PDE1A: variants seen among roughly 807,000 people sequenced by gnomAD.
The protein encoded by PDE1A is dual specificity calcium/calmodulin-dependent 3',5'-cyclic nucleotide phosphodiesterase 1A.
Under a neutral mutation model 61.7 loss-of-function variants are expected in PDE1A, and 35 were observed. The observed-to-expected ratio is 0.57, with a 90% CI of 0.43 to 0.75. PDE1A has a LOEUF of 0.75. PDE1A is among the 30% of genes least tolerant of loss of function. The pLI, the probability that PDE1A is intolerant of heterozygous loss-of-function variation, is 0.00. For synonymous variants in PDE1A, 232 were observed against 213.2 expected, an observed-to-expected ratio of 1.09 and a Z score of -0.77; for missense variants, 597 against 630.6, an observed-to-expected ratio of 0.95 and a Z score of 0.57.
the PDE1A span, among the ~76,000 whole-genome samples, chr2:182,536,859 C>T: frequency 5.9e-5 from 9 of 152,136 alleles, no homozygotes; most frequent in Non-Finnish European, 1.2e-4. Flanking sequence ...TGAGCCACCA[C>T]GGAAGAATTC....
At chr2:182,646,417 C>T in the PDE1A span, among the ~76,000 whole-genome samples, 11 of 146,576 alleles carry the variant, frequency 7.5e-5, no homozygotes, top group African/African-American at 2.0e-4. Flanking sequence ...AAGCCATACG[C>T]GGTGGCTCAC....
chr2:182,327,655 G>A (rs1697134208), intron 1 of PDE1A, among the ~76,000 whole-genome samples: 1 of 152,126 alleles, frequency 6.6e-6, no homozygotes, highest in South Asian at 2.1e-4. Flanking sequence ...TATGACCACT[G>A]GGTTTAACAA....
the PDE1A span, among the ~76,000 whole-genome samples, chr2:182,696,592 A>G: frequency 6.6e-6 from 1 of 152,166 alleles, no homozygotes; most frequent in Non-Finnish European, 1.5e-5. Context: ...AGAATGTACA[A>G]CACCAACAGT....
intron 2 of PDE1A, among the ~76,000 whole-genome samples, chr2:182,477,482 G>C (rs140421198): frequency 2.0e-5 from 3 of 151,846 alleles, no homozygotes; most frequent in Admixed American, 6.6e-5. Flanking sequence ...CTTGAGTCAC[G>C]TAGTGAATGG....
intron 1 of PDE1A, among the ~76,000 whole-genome samples, chr2:182,390,604 T>G (rs1181240324): frequency 6.6e-6 from 1 of 152,160 alleles, no homozygotes; most frequent in Admixed American, 6.5e-5. Flanking sequence ...GAGTCTTACC[T>G]CCTACAGACA....
At chr2:182,381,438 G>T (rs1464033023) in intron 1 of PDE1A, among the ~76,000 whole-genome samples, 1 of 152,152 alleles carries the variant, frequency 6.6e-6, no homozygotes, top group Non-Finnish European at 1.5e-5. Flanking sequence ...ACAGGATGGT[G>T]GCGAATTGCC....
At chr2:182,175,390 A>G (rs1404475736) in intron 13 of PDE1A, among the ~76,000 whole-genome samples, 1 of 151,610 alleles carries the variant, frequency 6.6e-6, no homozygotes, top group Non-Finnish European at 1.5e-5. Context: ...CTGGTGTGAG[A>G]TGGTATCTCA....
chr2:182,475,145 A>G (rs1484431989), intron 2 of PDE1A, among the ~76,000 whole-genome samples: 1 of 151,926 alleles, frequency 6.6e-6, no homozygotes, highest in African/African-American at 2.4e-5. Context: ...GGAGCCAAGT[A>G]AGAAGTTAGA....
At chr2:182,464,756 G>T (rs1417074923) in intron 2 of PDE1A, among the ~76,000 whole-genome samples, 1 of 152,064 alleles carries the variant, frequency 6.6e-6, no homozygotes, top group Non-Finnish European at 1.5e-5. Context: ...AATCACTGAA[G>T]GGAAACATCA....
intron 7 of PDE1A, among the ~76,000 whole-genome samples, chr2:182,212,603 G>A (rs1687727479): frequency 6.6e-6 from 1 of 152,260 alleles, no homozygotes; most frequent in African/African-American, 2.4e-5. Flanking sequence ...GCCTCACTTG[G>A]GAAGCGCAAG....
chr2:182,460,124 A>G (rs566470053), intron 2 of PDE1A, among the ~76,000 whole-genome samples: 2 of 152,166 alleles, frequency 1.3e-5, no homozygotes, highest in East Asian at 3.9e-4. Flanking sequence ...CCAACCTACC[A>G]CAAGAGTGAC....
At chr2:182,213,117 C>G (rs539471017) in intron 7 of PDE1A, among the ~76,000 whole-genome samples, 1 of 150,698 alleles carries the variant, frequency 6.6e-6, no homozygotes. Context: ...CCCCTGACCC[C>G]CGAGCAGCCT....
the PDE1A span, among the ~76,000 whole-genome samples, chr2:182,658,047 T>TAAAAAA: frequency 4.8e-4 from 32 of 66,614 alleles, 1 homozygote; most frequent in African/African-American, 1.7e-3. Flanking sequence ...AGCTTCTCAG[T>TAAAAAA]AAAAAAAAAA....
the PDE1A span, among the ~76,000 whole-genome samples, chr2:182,541,557 G>C: frequency 1.8e-4 from 27 of 152,108 alleles, no homozygotes; most frequent in Non-Finnish European, 5.9e-5. Flanking sequence ...TTGGTGGAAG[G>C]AAACATTCAA....
At chr2:182,605,493 C>G in the PDE1A span, among the ~76,000 whole-genome samples, 1 of 152,226 alleles carries the variant, frequency 6.6e-6, no homozygotes, top group Admixed American at 6.5e-5. Context: ...TGGATTCTCC[C>G]TCAGTCCTTG....
the PDE1A span, among the ~76,000 whole-genome samples, chr2:182,707,530 C>T: frequency 6.6e-6 from 1 of 151,578 alleles, no homozygotes; most frequent in African/African-American, 2.4e-5. Flanking sequence ...AATACGACAA[C>T]TTAGATGAAA....
At chr2:182,517,380 C>A (rs1293408478) in intron 2 of PDE1A, among the ~76,000 whole-genome samples, 1 of 152,214 alleles carries the variant, frequency 6.6e-6, no homozygotes, top group Non-Finnish European at 1.5e-5. Context: ...AATCCTCCCA[C>A]CTGGTTTTAG....
intron 10 of PDE1A, among the ~76,000 whole-genome samples, chr2:182,192,022 A>C (rs1685741620): frequency 6.6e-6 from 1 of 151,626 alleles, no homozygotes; most frequent in Non-Finnish European, 1.5e-5. Context: ...TGCTGAGCTA[A>C]TTTTTTATAT....
chr2:182,689,950 G>T, the PDE1A span, among the ~76,000 whole-genome samples: 2 of 152,124 alleles, frequency 1.3e-5, no homozygotes, highest in Non-Finnish European at 2.9e-5. Context: ...TAAATTCCTT[G>T]ACACATACAC....
Sources: gnomAD v4.1 joint callset for allele counts (sites outside exome capture counted in the v4.1 genomes callset) on GRCh38, gnomAD v4.1.1 for gene constraint, MANE v1.5 for transcripts, NCBI Gene and HGNC (gene_info 2026-07-23, HGNC 2026-07-21) for gene names.